KCNMA1: variants seen among roughly 807,000 people sequenced by gnomAD.
KCNMA1 encodes the protein Calcium-activated potassium channel subunit alpha-1.
Under a neutral mutation model 140.0 loss-of-function variants are expected in KCNMA1, and 29 were observed. The observed-to-expected ratio is 0.21, with a 90% CI of 0.15 to 0.28. The LOEUF (loss-of-function observed/expected upper bound fraction) is 0.28. Among genes scored for constraint, KCNMA1 ranks in the 10% least tolerant of loss-of-function variants. KCNMA1 has a pLI of 1.00. For synonymous variants in KCNMA1, 612 were observed against 611.9 expected (o/e 1.00, Z 0.00); for missense variants, 880 against 1,602.2 (o/e 0.55, Z 7.70).
At chr10:76,948,990 T>G in intron 22 of KCNMA1, 152 bp downstream of exon 22, 3 of 776,138 alleles carry the variant, frequency 3.9e-6, no homozygotes, top group Non-Finnish European at 6.9e-6. Context: ...GGATTTTCCT[T>G]GACAGAGCAT....
At chr10:77,292,486 A>G (rs1401943047) in intron 2 of KCNMA1, among the ~76,000 whole-genome samples, 1 of 152,236 alleles carries the variant, frequency 6.6e-6, no homozygotes, top group Non-Finnish European at 1.5e-5. Context: ...ACTGTTGCCA[A>G]CTGGATCATA....
intron 1 of KCNMA1, among the ~76,000 whole-genome samples, chr10:77,405,157 T>C (rs906356225): frequency 6.6e-6 from 1 of 152,214 alleles, no homozygotes; most frequent in Non-Finnish European, 1.5e-5. Context: ...AATACTCTTC[T>C]CCCACAGAGA....
chr10:77,564,365 G>C (rs1423874253), intron 1 of KCNMA1, among the ~76,000 whole-genome samples: 2 of 152,154 alleles, frequency 1.3e-5, no homozygotes, highest in Admixed American at 1.3e-4. Context: ...TTGAGGTCAG[G>C]AGTTCAAGAC....
At chr10:77,198,381 A>T (rs2041316192) in intron 3 of KCNMA1, among the ~76,000 whole-genome samples, 1 of 152,034 alleles carries the variant, frequency 6.6e-6, no homozygotes, top group Admixed American at 6.6e-5. Context: ...CCTGAAAGCC[A>T]TTTATAACCC....
intron 15 of KCNMA1, among the ~76,000 whole-genome samples, chr10:77,037,493 T>C (rs2094411428): frequency 6.6e-6 from 1 of 152,102 alleles, no homozygotes. Flanking sequence ...TTAGAGCCTG[T>C]AGGGGGAGCA....
intron 2 of KCNMA1, among the ~76,000 whole-genome samples, chr10:77,324,396 G>A (rs902570993): frequency 6.6e-6 from 1 of 152,190 alleles, no homozygotes; most frequent in Non-Finnish European, 1.5e-5. Context: ...CCAGTACCAA[G>A]CCTGGTACAT....
intron 2 of KCNMA1, among the ~76,000 whole-genome samples, chr10:77,391,696 T>C (rs1384196357): frequency 6.6e-6 from 1 of 151,978 alleles, no homozygotes; most frequent in East Asian, 1.9e-4. Flanking sequence ...AAATGAGGCT[T>C]TTAGTGCACC....
At chr10:77,139,911 TA>T (rs1289524558) in intron 5 of KCNMA1, among the ~76,000 whole-genome samples, 1 of 152,044 alleles carries the variant, frequency 6.6e-6, no homozygotes, top group Non-Finnish European at 1.5e-5. Flanking sequence ...AAAAAAAAAT[TA>T]TCGATAGGTC....
intron 1 of KCNMA1, among the ~76,000 whole-genome samples, chr10:77,502,200 G>A (rs780276632): frequency 3.3e-5 from 5 of 152,186 alleles, no homozygotes; most frequent in Non-Finnish European, 5.9e-5. Flanking sequence ...AAGTCACGAA[G>A]TTTCTTCCTG....
chr10:77,070,049 C>G (rs1177912656), intron 14 of KCNMA1, among the ~76,000 whole-genome samples: 1 of 152,180 alleles, frequency 6.6e-6, no homozygotes, highest in Non-Finnish European at 1.5e-5. Flanking sequence ...CTCCTGACCT[C>G]AGGTGATCCA....
At chr10:76,957,204 A>G (rs940519296) in intron 20 of KCNMA1, among the ~76,000 whole-genome samples, 1 of 151,652 alleles carries the variant, frequency 6.6e-6, no homozygotes, top group African/African-American at 2.4e-5. Flanking sequence ...AGCATGTTGC[A>G]GTGTTGATCC....
chr10:77,538,787 C>A (rs2059500890), intron 1 of KCNMA1, among the ~76,000 whole-genome samples: 2 of 152,080 alleles, frequency 1.3e-5, no homozygotes, highest in Non-Finnish European at 1.5e-5. Flanking sequence ...CCTCTATGAA[C>A]CTGTTCTCGT....
In KCNMA1 at chr10:77,025,258, A is replaced by AG. The variant is rs2093323325; in HGVS notation, c.1928+2564_1928+2565insC. Among the ~76,000 whole-genome samples, 3 of 96,670 alleles carry AG rather than the reference A, an allele frequency of 3.1e-5. No homozygotes were observed. In the South Asian group the frequency reaches 1.2e-3, roughly 39 times the overall value. The allele number at this position is 96,670 out of a possible 152,430, so 63.4% of individuals were successfully genotyped here. On this transcript the variant is annotated intron_variant, in intron 16 of 27. Coordinates refer to ENST00000286628, the MANE Select transcript of KCNMA1 (RefSeq NM_001161352.2). ...GGTGTGTGTGTATATATATATATAT[A>AG]TATATATATATATATATATATATAC...
chr10:77,593,305 C>G (rs762205650), intron 1 of KCNMA1, among the ~76,000 whole-genome samples: 1 of 152,188 alleles, frequency 6.6e-6, no homozygotes, highest in Non-Finnish European at 1.5e-5. Context: ...TCAAATAAGT[C>G]TCTCCCTTCC....
intron 1 of KCNMA1, among the ~76,000 whole-genome samples, chr10:77,504,720 C>T (rs1357203497): frequency 6.6e-6 from 1 of 152,106 alleles, no homozygotes; most frequent in African/African-American, 2.4e-5. Flanking sequence ...CCTCAGCCTC[C>T]CAAATCACTA....
chr10:77,496,887 A>G (rs1429875787), intron 1 of KCNMA1, among the ~76,000 whole-genome samples: 4 of 152,070 alleles, frequency 2.6e-5, no homozygotes, highest in African/African-American at 9.7e-5. Flanking sequence ...TGCTCTCCAA[A>G]GCTCTGCTCA....
intron 5 of KCNMA1, among the ~76,000 whole-genome samples, chr10:77,122,338 A>G (rs1172518013): frequency 2.0e-5 from 3 of 152,158 alleles, no homozygotes; most frequent in African/African-American, 7.2e-5. Flanking sequence ...CTTTTTTTGA[A>G]AACATTCTCC....
In KCNMA1 at chr10:77,228,112, G is replaced by T. The variant is rs1299505352; in HGVS notation, c.602+23083C>A. ...CCTGAGTAGCTGGGATTACAGGCAC[G>T]TGCCACCACGCCTGGCTAATTTTTA... On this transcript the variant is annotated intron_variant, in intron 3 of 27. Transcript: ENST00000286628. 2.6e-5 allele frequency among the ~76,000 whole-genome samples: 4 copies of T among 151,874 alleles called. No homozygotes were observed. The East Asian group carries it at 7.8e-4, about 30-fold the overall frequency.
chr10:77,439,767 G>A (rs575338062), intron 1 of KCNMA1, among the ~76,000 whole-genome samples: 2 of 152,276 alleles, frequency 1.3e-5, no homozygotes, highest in South Asian at 2.1e-4. Flanking sequence ...GTGTCTTTTA[G>A]CTGCATTCGT....
Sources: allele counts gnomAD v4.1 joint callset (sites outside exome capture counted in the v4.1 genomes callset), GRCh38; gene constraint gnomAD v4.1.1; transcripts MANE v1.5; gene names NCBI Gene and HGNC (gene_info 2026-07-23, HGNC 2026-07-21).